ANK3: variants seen among roughly 807,000 people sequenced by gnomAD.
ANK3 encodes the protein ankyrin 3, also known as ankyrin-3.
Under a neutral mutation model 370.9 loss-of-function variants are expected in ANK3, and 57 were observed. The ratio of observed to expected loss-of-function variants is 0.15; its 90% confidence interval spans 0.12 to 0.19. The LOEUF (loss-of-function observed/expected upper bound fraction) is 0.19, where lower values mean the gene tolerates loss of function less well. Ranked by LOEUF, ANK3 falls within the 10% of genes least tolerant of loss-of-function variation. The probability of loss-of-function intolerance (pLI) is 1.00; values close to 1 mark genes in which losing one functional copy is unlikely to be tolerated. For missense variants in ANK3, 4,439 were observed against 5,302.1 expected (o/e 0.84, Z 5.06); for synonymous variants, 1,929 against 1,946.3 (o/e 0.99, Z 0.23).
intron 1 of ANK3, among the ~76,000 whole-genome samples, chr10:60,720,607 G>A (rs1046533275): frequency 6.6e-6 from 1 of 152,048 alleles, no homozygotes; most frequent in African/African-American, 2.4e-5. Flanking sequence ...TATCTTTGAA[G>A]GTTTTCTGTT....
intron 2 of ANK3, among the ~76,000 whole-genome samples, chr10:60,432,656 C>A (rs1362482067): frequency 4.6e-5 from 7 of 152,134 alleles, no homozygotes; most frequent in Admixed American, 4.6e-4. Context: ...CACGGAGTTG[C>A]ATTAGAAAAA....
chr10:60,244,017 A>T (rs1015076821), intron 7 of ANK3, among the ~76,000 whole-genome samples: 1 of 152,192 alleles, frequency 6.6e-6, no homozygotes, highest in African/African-American at 2.4e-5. Flanking sequence ...TATGATAGAA[A>T]TATATGGGTA....
intron 11 of ANK3, among the ~76,000 whole-genome samples, chr10:60,203,778 C>T (rs372729472): frequency 6.6e-5 from 10 of 152,052 alleles, no homozygotes; most frequent in African/African-American, 2.4e-4. Flanking sequence ...TACTCTTCAG[C>T]GTAAAGCAGA....
At chr10:60,584,025 T>C (rs2077795980) in intron 2 of ANK3, among the ~76,000 whole-genome samples, 1 of 152,192 alleles carries the variant, frequency 6.6e-6, no homozygotes, top group Non-Finnish European at 1.5e-5. Context: ...TATGATTATG[T>C]GTCAGTCATT....
At chr10:60,181,503 T>G (rs2096186315) in intron 17 of ANK3, 76 bp from the exon 18 acceptor site, 1 of 1,364,122 alleles carries the variant, frequency 7.3e-7, no homozygotes, top group Non-Finnish European at 1.0e-6. Context: ...AGAAACCATT[T>G]GTGAATTCTA....
intron 2 of ANK3, among the ~76,000 whole-genome samples, chr10:60,509,038 G>A (rs1290185867): frequency 6.6e-6 from 1 of 152,050 alleles, no homozygotes; most frequent in African/African-American, 2.4e-5. Flanking sequence ...AGTTATTGCT[G>A]GGAGTTTGCC....
intron 2 of ANK3, among the ~76,000 whole-genome samples, chr10:60,604,233 C>T (rs1290563259): frequency 6.6e-6 from 1 of 152,066 alleles, no homozygotes; most frequent in African/African-American, 2.4e-5. Context: ...TGTATGTTTT[C>T]TTAATAAGAT....
intron 43 of ANK3, among the ~76,000 whole-genome samples, chr10:60,031,868 G>A (rs2073661455): frequency 6.6e-6 from 1 of 152,034 alleles, no homozygotes; most frequent in Non-Finnish European, 1.5e-5. Flanking sequence ...CTAATGCTTG[G>A]AGCCAAGAAC....
Position 60,196,638 on chromosome 10 carries a change from A to C in ANK3, c.1690-13T>G, listed in dbSNP as rs2096590336. ...GAGTAAATCCTTTCTGAAAAAAAAA[A>C]AACATAAAAATAATGAACAATAGAA... On this transcript the variant is annotated splice_polypyrimidine_tract_variant and intron_variant, in intron 14 of 43. Coordinates refer to ENST00000280772, the MANE Select transcript of ANK3 (RefSeq NM_020987.5). 2.6e-6 allele frequency: 4 copies of C among 1,536,376 alleles called. No homozygotes were observed. Among genetic ancestry groups the C allele is most frequent in the Non-Finnish European group, 3.6e-6 (4 of 1,124,648 alleles).
At chr10:60,038,895 T>C (rs2075610217) in intron 43 of ANK3, among the ~76,000 whole-genome samples, 1 of 152,164 alleles carries the variant, frequency 6.6e-6, no homozygotes, top group Non-Finnish European at 1.5e-5. Flanking sequence ...TTGCTTGGGG[T>C]CCTCTTCTTC....
At chr10:60,517,756 AAGAGAG>A (rs57698250) in intron 2 of ANK3, among the ~76,000 whole-genome samples, 13,709 of 149,666 alleles carry the variant, frequency 0.092, 678 homozygotes, top group South Asian at 0.16. Context: ...AAAAGAGAGA[AAGAGAG>A]AGAGAGAGAG....
At chr10:60,155,421 A>G (rs2095300326) in intron 23 of ANK3, among the ~76,000 whole-genome samples, 1 of 152,194 alleles carries the variant, frequency 6.6e-6, no homozygotes, top group Non-Finnish European at 1.5e-5. Context: ...CAGCAAGAGG[A>G]AACTGAGTCC....
intron 1 of ANK3, among the ~76,000 whole-genome samples, chr10:60,726,308 T>C (rs1412576073): frequency 6.6e-6 from 1 of 152,206 alleles, no homozygotes; most frequent in Non-Finnish European, 1.5e-5. Context: ...GGTTTCTCCT[T>C]TCCACTCCAT....
chr10:60,355,894 T>C (rs962351836), intron 1 of ANK3, among the ~76,000 whole-genome samples: 1 of 152,178 alleles, frequency 6.6e-6, no homozygotes, highest in Non-Finnish European at 1.5e-5. Context: ...CTTCTCAAGA[T>C]TCCTTTCTTG....
chr10:60,688,077 T>C (rs999200056), intron 1 of ANK3, among the ~76,000 whole-genome samples: 4 of 151,616 alleles, frequency 2.6e-5, no homozygotes, highest in African/African-American at 7.3e-5. Context: ...AATGAAGAAT[T>C]ACTAACTTTT....
chr10:60,296,046 T>C (rs1266982547), intron 1 of ANK3, among the ~76,000 whole-genome samples: 1 of 152,144 alleles, frequency 6.6e-6, no homozygotes, highest in Non-Finnish European at 1.5e-5. Context: ...AAGAGAACAT[T>C]TAAGCAAAAG....
At chr10:60,687,535 A>AC (rs1554809512) in intron 1 of ANK3, among the ~76,000 whole-genome samples, 47,719 of 150,654 alleles carry the variant, frequency 0.32, 7,712 homozygotes, top group Non-Finnish European at 0.35. Flanking sequence ...TATAAAAAAA[A>AC]ACACACACAC....
chr10:60,240,068 T>TAC (rs2097407891), intron 7 of ANK3, among the ~76,000 whole-genome samples: 1 of 15,578 alleles, frequency 6.4e-5, no homozygotes, highest in South Asian at 4.7e-3. Flanking sequence ...CATATATACA[T>TAC]ATATATACAT....
At chr10:60,584,571 T>C (rs893606468) in intron 2 of ANK3, among the ~76,000 whole-genome samples, 1 of 152,108 alleles carries the variant, frequency 6.6e-6, no homozygotes, top group African/African-American at 2.4e-5. Flanking sequence ...GAGCTATAAT[T>C]GCACCACCAT....
Sources: gnomAD v4.1 joint callset for allele counts (sites outside exome capture counted in the v4.1 genomes callset) on GRCh38, gnomAD v4.1.1 for gene constraint, MANE v1.5 for transcripts, NCBI Gene and HGNC (gene_info 2026-07-23, HGNC 2026-07-21) for gene names.